Variants in NAPSA observed in about 807,000 individuals in gnomAD.
NAPSA encodes the protein napsin A aspartic peptidase, also known as napsin-A.
In NAPSA, 37 loss-of-function variants were observed where a neutral mutation model predicts 36.7. The ratio of observed to expected loss-of-function variants is 1.01; its 90% confidence interval spans 0.78 to 1.33. The LOEUF is 1.33. Ranked by LOEUF, NAPSA falls within the 40% of genes most tolerant of loss-of-function variation. NAPSA has a pLI of 0.00. For synonymous variants in NAPSA, 222 were observed against 234.5 expected (o/e 0.95, Z 0.49); for missense variants, 532 against 543.8 (o/e 0.98, Z 0.21).
rs370374082 is a variant in NAPSA at position 50,358,609 on chromosome 19, T to G, written c.1207A>C (p.Thr403Pro). The change falls in exon 9 of 9, where the codon ACT becomes CCT. Residue 403 changes from threonine to proline, a missense_variant. Thr to Pro is a conservative substitution (Grantham distance 38). Around this residue, in one of 3 missense-constraint regions of NAPSA, gnomAD observed 385 missense variants for 371.5 expected, o/e 1.04. Coordinates refer to ENST00000253719, the MANE Select transcript of NAPSA (RefSeq NM_004851.3). Reference protein sequence around the residue: ...SARVGLARARTRGADLGWGET... With the variant: ...SARVGLARARPRGADLGWGET... ...CCCCATCCGAGGTCCGCTCCGCGAG[T>G]GCGAGCGCGCGCCAGGCCCACCCGG... 1.9e-6 allele frequency: 3 copies of G among 1,611,636 alleles called. No homozygotes were observed. Among genetic ancestry groups the G allele is most frequent in the African/African-American group, 2.7e-5 (2 of 74,838 alleles).
intron 1 of NAPSA, among the ~76,000 whole-genome samples, chr19:50,364,370 C>G (rs1005892033): frequency 6.7e-6 from 1 of 148,242 alleles, no homozygotes; most frequent in African/African-American, 2.5e-5. Context: ...AATCCCAGCA[C>G]TTTGCGAGGC....
intron 7 of NAPSA, 122 bp from the exon 8 acceptor site, chr19:50,359,231 G>T: frequency 1.1e-6 from 1 of 936,158 alleles, no homozygotes; most frequent in Non-Finnish European, 1.6e-6. Context: ...CGTCCTGTGT[G>T]CAGAGGCCCT....
Position 50,359,658 on chromosome 19 carries a change from A to G in NAPSA, c.792-11T>C, listed in dbSNP as rs2037445637. The G allele has an allele frequency of 6.2e-7, 1 of 1,614,208 alleles. No homozygotes were observed. The highest frequency in any genetic ancestry group is 1.3e-5 in the African/African-American group (1 of 75,070). ...GGGCCCACCTTCACACTGAGGGGGAAGGAGGCAGTCATCAGAGGCAGGGTC... is the reference window on the plus strand; with the variant it reads ...GGGCCCACCTTCACACTGAGGGGGAGGGAGGCAGTCATCAGAGGCAGGGTC... On this transcript the variant is annotated splice_polypyrimidine_tract_variant and intron_variant, in intron 6 of 8. Transcript: ENST00000253719.
intron 5 of NAPSA, 26 bp from the exon 6 acceptor site, chr19:50,359,888 T>G: frequency 6.2e-7 from 1 of 1,604,220 alleles, no homozygotes; most frequent in Non-Finnish European, 8.5e-7. Context: ...GTAGAGAGTG[T>G]AGATGTCAGT....
Position 50,361,129 on chromosome 19 carries a change from G to A in NAPSA, c.480C>T (p.Ile160=). The A allele has an allele frequency of 6.2e-7, 1 of 1,613,704 alleles. No homozygotes were observed. Residue 160 remains isoleucine (I), a synonymous_variant, in exon 5 of 9, where the codon ATC becomes ATT. Transcript: ENST00000253719. ...LSEDKLTIGG[I]KGASVIFGEA... ...CCCCGAAAATCACTGATGCACCCTT[G>A]ATTCCACCAATCTAGGGGTAGATTG...
chr19:50,362,137 C>T (rs1311268771), intron 2 of NAPSA, 35 bp downstream of exon 2: 14 of 1,612,754 alleles, frequency 8.7e-6, no homozygotes, highest in Middle Eastern at 1.6e-4. Context: ...GGCTCAAGGG[C>T]GCAGGGGTGA....
rs1283483828 is a variant in NAPSA, at chr19:50,362,311, A to G, written c.86T>C (p.Ile29Thr). The change falls in exon 2 of 9, where the codon ATC (isoleucine) becomes ACC (threonine). Residue 29 changes from isoleucine (I) to threonine (T), a missense_variant and splice_region_variant. By Grantham distance (89) the Ile-to-Thr change is moderately conservative. Around this residue, in one of 3 missense-constraint regions of NAPSA, gnomAD observed 102 missense variants for 93.6 expected, o/e 1.09. Coordinates refer to ENST00000253719, the MANE Select transcript of NAPSA (RefSeq NM_004851.3). ...VEPSGATLIR[I>T]PLHRVQPGRR... ...TCCAGGTTGGACTCGATGAAGAGGGATGCTGTAGGGAAAGAGGATATTGAC... is the reference window on the plus strand; with the variant it reads ...TCCAGGTTGGACTCGATGAAGAGGGGTGCTGTAGGGAAAGAGGATATTGAC... The G allele has an allele frequency of 6.3e-7, 1 of 1,599,940 alleles. No homozygotes were observed. The highest frequency in any genetic ancestry group is 2.2e-5 in the East Asian group (1 of 44,672).
At chr19:50,361,251 A>G (rs2123611286) in intron 4 of NAPSA, 111 bp from the exon 5 acceptor site, 1 of 874,220 alleles carries the variant, frequency 1.1e-6, no homozygotes, top group African/African-American at 1.7e-5. Context: ...TCTGGATGCA[A>G]GCCCCAACTT....
At chr19:50,362,415 C>T in intron 1 of NAPSA, 102 bp from the exon 2 acceptor site, 1 of 1,128,314 alleles carries the variant, frequency 8.9e-7, no homozygotes, top group Non-Finnish European at 1.2e-6. Flanking sequence ...ATCTCCAAGG[C>T]ACTACAATAG....
At chr19:50,366,817 G>A (rs890321917), upstream of NAPSA, among the ~76,000 whole-genome samples, 1 of 147,006 alleles carries the variant, frequency 6.8e-6, no homozygotes, top group Non-Finnish European at 1.5e-5. Flanking sequence ...ACAGGCACCC[G>A]ATACCACCCT....
At position 50,359,024 on chromosome 19, in the gene NAPSA, TCATGGG is replaced by T; in HGVS notation, c.1016_1021del (p.Ala339_His340del). On this transcript the variant is annotated inframe_deletion, in exon 8 of 9. Transcript: ENST00000253719. The stretch of plus-strand genomic sequence containing the variant: ...ATGGCCACCTACCTGGATGACGTAA[TCATGGG>T]CCGTGAGGTTAAACCAGACCCCCCC... 3.7e-6 allele frequency: 6 copies of T among 1,613,776 alleles called. No individual in the cohort carries two copies. Among genetic ancestry groups the T allele is most frequent in the Non-Finnish European group, 4.2e-6 (5 of 1,179,752 alleles).
At chr19:50,368,950 C>G (rs192690303), upstream of NAPSA, among the ~76,000 whole-genome samples, 23 of 152,330 alleles carry the variant, frequency 1.5e-4, 1 homozygote, top group African/African-American at 5.5e-4. Context: ...CTCCCCTGCC[C>G]AAGCGTACTG....
At chr19:50,365,694 A>G, upstream of NAPSA, 2 of 1,276,164 alleles carry the variant, frequency 1.6e-6, no homozygotes, top group Non-Finnish European at 2.2e-6. Flanking sequence ...CACCCTGTTC[A>G]TGCCCCACCT....
upstream of NAPSA, among the ~76,000 whole-genome samples, chr19:50,367,548 CCCT>C (rs748883473): frequency 8.7e-4 from 124 of 142,648 alleles, no homozygotes; most frequent in Middle Eastern, 3.6e-3. Flanking sequence ...CTCTCTCTCT[CCCT>C]CTCTCTCTCT....
At chr19:50,360,070 G>A (rs1031358770) in intron 5 of NAPSA, among the ~76,000 whole-genome samples, 4 of 152,220 alleles carry the variant, frequency 2.6e-5, no homozygotes, top group Non-Finnish European at 5.9e-5. Context: ...AGAACTTCCT[G>A]AAGTGAAGAC....
chr19:50,359,884 A>T, intron 5 of NAPSA, 22 bp from the exon 6 acceptor site: 1 of 1,606,206 alleles, frequency 6.2e-7, no homozygotes, highest in South Asian at 1.1e-5. Context: ...GAGTGTAGAG[A>T]GTGTAGATGT....
upstream of NAPSA, among the ~76,000 whole-genome samples, chr19:50,367,009 A>G (rs2037557065): frequency 6.6e-6 from 1 of 151,822 alleles, no homozygotes; most frequent in African/African-American, 2.4e-5. Flanking sequence ...ATTTTTAGTA[A>G]AGACAGGGTT....
upstream of NAPSA, among the ~76,000 whole-genome samples, chr19:50,366,191 T>G (rs1028729305): frequency 6.0e-5 from 9 of 148,804 alleles, no homozygotes; most frequent in South Asian, 2.1e-4. Flanking sequence ...GTTTTTTGGT[T>G]TTTTTTTTTT....
chr19:50,358,540 C>T lies in NAPSA; in HGVS notation c.*13G>A, dbSNP rs1024942071. ...TCCGCGACCACCCGCTGCGCATGCG[C>T]TTCACTTGGGCGTCACCCGGGGAAC... is the stretch of plus-strand genomic sequence containing the variant. On this transcript the variant is annotated 3_prime_UTR_variant, in exon 9 of 9. Transcript: ENST00000253719. 6.4e-7 allele frequency: 1 copy of T among 1,571,356 alleles called. No individual in the cohort carries two copies. The highest frequency in any genetic ancestry group is 8.6e-7 in the Non-Finnish European group (1 of 1,158,710).
Sources: gnomAD v4.1 joint callset for allele counts (sites outside exome capture counted in the v4.1 genomes callset) on GRCh38, gnomAD v4.1.1 for gene constraint, gnomAD v4.1.1 regional missense constraint, MANE v1.5 for transcripts, NCBI Gene and HGNC (gene_info 2026-07-23, HGNC 2026-07-21) for gene names.